The following DMXL1 variants were observed in gnomAD, a reference collection of about 807,000 sequenced individuals.
DMXL1 encodes dmX-like protein 1.
A neutral mutation model predicts 319.2 loss-of-function variants in DMXL1; 99 were observed. The ratio of observed to expected loss-of-function variants is 0.31; its 90% confidence interval spans 0.26 to 0.37. DMXL1 has a LOEUF of 0.37. Among genes scored for constraint, DMXL1 ranks in the 10% least tolerant of loss-of-function variants. DMXL1 has a pLI of 1.00. For synonymous variants in DMXL1, 1,385 were observed against 1,235.2 expected, an observed-to-expected ratio of 1.12 and a Z score of -2.54; for missense variants, 3,745 against 3,595.6, an observed-to-expected ratio of 1.04 and a Z score of -1.06.
intron 41 of DMXL1, 49 bp from the exon 42 acceptor site, chr5:119,240,367 TTTA>T: frequency 7.5e-7 from 1 of 1,337,046 alleles, no homozygotes; most frequent in Non-Finnish European, 1.1e-6. Context: ...TGACATATTT[TTTA>T]TTGTTAGCTT....
Position 119,114,544 on chromosome 5 carries a change from A to G in DMXL1, c.564+3A>G. Reference sequence around the variant, plus strand: ...AATTTTTTGCCACTGCTGGGAAGGTAAATTGTGAAAATGCTATTGCCAAAT... The same window carrying G: ...AATTTTTTGCCACTGCTGGGAAGGTGAATTGTGAAAATGCTATTGCCAAAT... On this transcript the variant is annotated splice_donor_region_variant and intron_variant, in intron 6 of 43. Transcript: ENST00000539542. 6.3e-7 allele frequency: 1 copy of G among 1,597,662 alleles called. No homozygotes were observed. Among genetic ancestry groups the G allele is most frequent in the Non-Finnish European group, 8.5e-7 (1 of 1,171,872 alleles).
At chr5:119,215,116 T>G (rs1172294500) in intron 34 of DMXL1, among the ~76,000 whole-genome samples, 1 of 152,212 alleles carries the variant, frequency 6.6e-6, no homozygotes, top group Non-Finnish European at 1.5e-5. Flanking sequence ...GAAGACAAGT[T>G]GATCCTCAAG....
At chr5:119,114,180 A>G (rs1760292157) in intron 5 of DMXL1, among the ~76,000 whole-genome samples, 1 of 152,230 alleles carries the variant, frequency 6.6e-6, no homozygotes, top group African/African-American at 2.4e-5. Flanking sequence ...CTAGATTTTC[A>G]GATTTAAAAA....
chr5:119,091,184 A>G (rs1480807780), intron 1 of DMXL1, among the ~76,000 whole-genome samples: 4 of 151,856 alleles, frequency 2.6e-5, no homozygotes, highest in African/African-American at 9.7e-5. Flanking sequence ...TGGTGAGATC[A>G]TGGTTCCCTG....
At chr5:119,230,649 A>G (rs1458257080) in intron 38 of DMXL1, among the ~76,000 whole-genome samples, 3 of 152,246 alleles carry the variant, frequency 2.0e-5, no homozygotes, top group Non-Finnish European at 2.9e-5. Flanking sequence ...TTGGGAGGCC[A>G]AGGCGGGCAG....
At chr5:119,090,865 G>T (rs1754640623) in intron 1 of DMXL1, among the ~76,000 whole-genome samples, 1 of 151,532 alleles carries the variant, frequency 6.6e-6, no homozygotes, top group Non-Finnish European at 1.5e-5. Flanking sequence ...GTGCCTGGCA[G>T]TCCTCTGTGT....
rs2150257805 is a variant in DMXL1, at chr5:119,170,200, A to G, written c.5409A>G (p.Leu1803=). Reference sequence around the variant, plus strand: ...TGAATTTACTTTCAGATCAAGTTTTATCAGCCAGTAATCCTACAGTTTTTA... The same window carrying G: ...TGAATTTACTTTCAGATCAAGTTTTGTCAGCCAGTAATCCTACAGTTTTTA... ...QPIRENDDQV[L]SASNPTVFNF... Residue 1803 remains leucine, a synonymous_variant, in exon 24 of 44, where the codon TTA becomes TTG. Transcript: ENST00000539542. 6.3e-7 allele frequency: 1 copy of G among 1,592,038 alleles called. No individual in the cohort carries two copies. The highest frequency in any genetic ancestry group is 1.2e-5 in the South Asian group (1 of 86,714).
At chr5:119,183,534 G>A (rs1160717613) in intron 28 of DMXL1, among the ~76,000 whole-genome samples, 1 of 152,116 alleles carries the variant, frequency 6.6e-6, no homozygotes, top group Non-Finnish European at 1.5e-5. Context: ...GTGCAGTGGC[G>A]TGATCTCGGC....
chr5:119,098,228 A>G (rs1756423580), intron 2 of DMXL1, 124 bp downstream of exon 2: 3 of 1,181,162 alleles, frequency 2.5e-6, no homozygotes, highest in Non-Finnish European at 2.3e-6. Context: ...GTGTAGCTAG[A>G]AGAATTTTTG....
chr5:119,128,045 C>G, intron 9 of DMXL1: 1 of 433,618 alleles, frequency 2.3e-6, no homozygotes, highest in South Asian at 1.9e-5. Context: ...TTAGGTGGTC[C>G]TCAATTTACT....
chr5:119,237,479 G>A (rs566165879), intron 40 of DMXL1, 65 bp downstream of exon 40: 16 of 962,256 alleles, frequency 1.7e-5, no homozygotes, highest in Admixed American at 3.7e-5. Flanking sequence ...CCAAGAATAC[G>A]TATTTGAGAC....
At chr5:119,077,861 G>T in intron 1 of DMXL1, among the ~76,000 whole-genome samples, 1 of 102,098 alleles carries the variant, frequency 9.8e-6, no homozygotes, top group South Asian at 3.5e-4. Context: ...GTATATATAC[G>T]TGTGTGTGTG....
chr5:119,166,655 C>G lies in DMXL1; in HGVS notation c.5010C>G (p.His1670Gln). The G allele has an allele frequency of 6.2e-7, 1 of 1,608,698 alleles. No homozygotes were observed. The highest frequency in any genetic ancestry group is 8.5e-7 in the Non-Finnish European group (1 of 1,178,148). Reference protein sequence around the residue: ...KNTRMTQFFGHNFEDERWRKA... With the variant: ...KNTRMTQFFGQNFEDERWRKA... ...CCAGGATGACACAGTTTTTTGGACACAATTTTGAGGATGAGAGGTGGCGTA... is the reference window on the plus strand; with the variant it reads ...CCAGGATGACACAGTTTTTTGGACAGAATTTTGAGGATGAGAGGTGGCGTA... Residue 1670 changes from histidine to glutamine, a missense_variant, in exon 22 of 44, where the codon CAC becomes CAG. His to Gln is a conservative substitution (Grantham distance 24). Around this residue, in one of 4 missense-constraint regions of DMXL1, gnomAD observed 2,096 missense variants for 1,985.4 expected, o/e 1.06. Coordinates refer to ENST00000539542, the MANE Select transcript of DMXL1 (RefSeq NM_001290321.3).
At chr5:119,081,263 C>CA (rs1368837426) in intron 1 of DMXL1, among the ~76,000 whole-genome samples, 2 of 152,132 alleles carry the variant, frequency 1.3e-5, no homozygotes, top group Non-Finnish European at 2.9e-5. Context: ...TTAAAATCCT[C>CA]AAAAAGTCAA....
chr5:119,082,562 A>G (rs1752480927), intron 1 of DMXL1, among the ~76,000 whole-genome samples: 2 of 151,974 alleles, frequency 1.3e-5, no homozygotes, highest in African/African-American at 4.8e-5. Flanking sequence ...TATAGATGTG[A>G]GCTGCCATGC....
At chr5:119,218,125 C>T (rs953865619) in intron 35 of DMXL1, among the ~76,000 whole-genome samples, 2 of 151,996 alleles carry the variant, frequency 1.3e-5, no homozygotes, top group African/African-American at 4.8e-5. Context: ...ACCTGTCATC[C>T]CAACACTTTG....
intron 1 of DMXL1, among the ~76,000 whole-genome samples, chr5:119,090,413 G>T (rs1391214390): frequency 3.3e-5 from 5 of 151,950 alleles, no homozygotes; most frequent in African/African-American, 1.2e-4. Context: ...GTTTTAGAAA[G>T]TTTTCTGTTA....
In DMXL1 at chr5:119,121,051, G is replaced by C. The variant is rs927522787; in HGVS notation, c.1014G>C (p.Gln338His). 1.2e-6 allele frequency: 2 copies of C among 1,613,656 alleles called. No homozygotes were observed. The highest frequency in any genetic ancestry group is 1.1e-5 in the South Asian group (1 of 91,022). The change falls in exon 9 of 44, where the codon CAG (glutamine) becomes CAC (histidine). Residue 338 changes from glutamine (Q) to histidine (H), a missense_variant. Gln to His is a conservative substitution (Grantham distance 24, BLOSUM62 0). This residue lies in a region of DMXL1 where 2,096 missense variants were observed against 1,985.4 expected (regional missense o/e 1.06). Transcript: ENST00000539542. ...VAHTGYLPHQ[Q>H]DPHHVHRNTP... ...ATACGGGATATCTACCACATCAGCA[G>C]GATCCTCATCATGTTCACAGGAACA... is the stretch of plus-strand genomic sequence containing the variant.
rs772484820 is a variant in DMXL1 at position 119,173,561 on chromosome 5, G to A, written c.6681+1592G>A. Among the ~76,000 whole-genome samples, 56 of 151,076 alleles carry A rather than the reference G, an allele frequency of 3.7e-4. No individual in the cohort carries two copies. In the Middle Eastern group the frequency reaches 0.01, roughly 28 times the overall value. ...ATCATTTACATTTCTGGTGGTTGGC[G>A]CATGTTGACAGCACTGACAGGAGAA... On this transcript the variant is annotated intron_variant, in intron 25 of 43. Transcript: ENST00000539542.
Sources: allele counts gnomAD v4.1 joint callset (sites outside exome capture counted in the v4.1 genomes callset), GRCh38; gene constraint gnomAD v4.1.1; regional missense constraint gnomAD v4.1.1; transcripts MANE v1.5; gene names NCBI Gene and HGNC (gene_info 2026-07-23, HGNC 2026-07-21).